TRAM2: variants seen among roughly 807,000 people sequenced by gnomAD.
TRAM2 encodes the protein translocating chain-associated membrane protein 2.
TRAM2 carries 12 observed loss-of-function variants against 51.0 expected under a neutral mutation model. The ratio of observed to expected loss-of-function variants is 0.24; its 90% CI spans 0.15 to 0.38. TRAM2 has a LOEUF of 0.38. TRAM2 is among the 10% of genes least tolerant of loss of function. The pLI is 1.00. For synonymous variants in TRAM2, 175 were observed against 179.4 expected, an observed-to-expected ratio of 0.98 and a Z score of 0.20; for missense variants, 361 against 462.0, an observed-to-expected ratio of 0.78 and a Z score of 2.00.
chr6:52,521,768 A>T (rs1361613195), intron 2 of TRAM2, among the ~76,000 whole-genome samples: 2 of 151,982 alleles, frequency 1.3e-5, no homozygotes, highest in Non-Finnish European at 2.9e-5. Flanking sequence ...AAAATAAATA[A>T]ATAAAAATCC....
At chr6:52,533,485 C>T (rs987101566) in intron 2 of TRAM2, among the ~76,000 whole-genome samples, 3 of 152,170 alleles carry the variant, frequency 2.0e-5, no homozygotes, top group Non-Finnish European at 2.9e-5. Context: ...CCACATGTTT[C>T]CTGGCCCACT....
chr6:52,509,620 T>C (rs1766417760), intron 4 of TRAM2, 34 bp from the exon 5 acceptor site: 1 of 1,610,808 alleles, frequency 6.2e-7, no homozygotes, highest in African/African-American at 1.3e-5. Context: ...CATTTAGAGA[T>C]GTGGACGTGA....
At chr6:52,511,092 G>A (rs1046521386) in intron 4 of TRAM2, among the ~76,000 whole-genome samples, 4 of 152,154 alleles carry the variant, frequency 2.6e-5, no homozygotes, top group Non-Finnish European at 5.9e-5. Flanking sequence ...AGGATCTCCT[G>A]AAATAAGATA....
At chr6:52,521,554 G>A (rs1404197647) in intron 2 of TRAM2, among the ~76,000 whole-genome samples, 5 of 151,634 alleles carry the variant, frequency 3.3e-5, no homozygotes, top group South Asian at 2.1e-4. Flanking sequence ...AAAATTAGCC[G>A]GGCGTGGTGG....
chr6:52,560,584 C>G (rs991226016), intron 1 of TRAM2, among the ~76,000 whole-genome samples: 2 of 152,200 alleles, frequency 1.3e-5, no homozygotes, highest in Non-Finnish European at 2.9e-5. Flanking sequence ...TTATTTCAAA[C>G]GAAGTCTGCC....
intron 2 of TRAM2, chr6:52,524,742 C>A (rs1581877174): frequency 6.6e-6 from 1 of 152,102 alleles, no homozygotes; most frequent in Admixed American, 6.6e-5. Flanking sequence ...TTCTTCTCTA[C>A]CTTGTTGCTC....
chr6:52,515,102 G>A (rs981453971), intron 4 of TRAM2, among the ~76,000 whole-genome samples: 3 of 152,278 alleles, frequency 2.0e-5, no homozygotes, highest in Non-Finnish European at 1.5e-5. Flanking sequence ...TGATGGGAGC[G>A]CCCATCACTG....
intron 1 of TRAM2, among the ~76,000 whole-genome samples, chr6:52,564,020 AAC>A (rs1471547849): frequency 6.6e-6 from 1 of 152,114 alleles, no homozygotes; most frequent in Non-Finnish European, 1.5e-5. Context: ...GTTACCCGAG[AAC>A]CCAAAAGAGA....
rs1005109696 is a variant in TRAM2 at position 52,503,083 on chromosome 6, G to A, written c.*114C>T. ...CTCCCCCCATTGCAAGACAGGTTTC[G>A]GCTGTTTGAGACGGAGCATCACAGG... On this transcript the variant is annotated 3_prime_UTR_variant, in exon 11 of 11. Transcript: ENST00000182527. 1.3e-5 allele frequency: 11 copies of A among 876,496 alleles called. No homozygotes were observed. The highest frequency in any genetic ancestry group is 1.0e-4 in the African/African-American group (6 of 59,448). 54.3% of individuals were successfully genotyped at this position (876,496 alleles called of 1,614,324 possible).
In TRAM2 at chr6:52,561,481, CTTTTTCT is replaced by C. The variant is rs1381748439; in HGVS notation, c.120+15308_120+15314del. 5.0e-5 allele frequency among the ~76,000 whole-genome samples: 6 copies of C among 118,874 alleles called. No homozygotes were observed. The South Asian group carries it at 1.5e-3, about 29-fold the overall frequency. 78.0% of individuals were successfully genotyped at this position (118,874 alleles called of 152,430 possible). Reference sequence around the variant, plus strand: ...TTATACTTTAGTAGAGATGGAGTTTCTTTTTCTTTTTTTTTTTTTTTTGAGACGGAGT... The same window carrying C: ...TTATACTTTAGTAGAGATGGAGTTTCTTTTTTTTTTTTTTTGAGACGGAGT... On this transcript the variant is annotated intron_variant, in intron 1 of 10. Transcript: ENST00000182527.
intron 1 of TRAM2, among the ~76,000 whole-genome samples, chr6:52,570,555 C>T (rs1004428635): frequency 3.3e-5 from 5 of 152,178 alleles, no homozygotes; most frequent in Non-Finnish European, 7.3e-5. Flanking sequence ...CAAGTCTGTG[C>T]TCTAGAAGCC....
intron 1 of TRAM2, among the ~76,000 whole-genome samples, chr6:52,555,950 T>C (rs965786322): frequency 2.0e-5 from 3 of 152,188 alleles, no homozygotes; most frequent in Non-Finnish European, 4.4e-5. Flanking sequence ...AAAAACAACA[T>C]GTAAAACGCA....
At chr6:52,511,739 C>T (rs1254296200) in intron 4 of TRAM2, among the ~76,000 whole-genome samples, 2 of 152,184 alleles carry the variant, frequency 1.3e-5, no homozygotes, top group African/African-American at 4.8e-5. Context: ...CCTAATCCCA[C>T]AAACTTGGGC....
At position 52,512,430 on chromosome 6, in the gene TRAM2, C is replaced by A. The variant is rs569829252; in HGVS notation, c.412-2844G>T. Among the ~76,000 whole-genome samples, 4 of 152,294 alleles carry A rather than the reference C, an allele frequency of 2.6e-5. No individual in the cohort carries two copies. In the East Asian group the frequency reaches 7.7e-4, roughly 29 times the overall value. On this transcript the variant is annotated intron_variant, in intron 4 of 10. Coordinates refer to ENST00000182527, the MANE Select transcript of TRAM2 (RefSeq NM_012288.4). Reference sequence around the variant, plus strand: ...AGGGGGAGCCAGAGGAAAAATGACTCACTGCTCTGAGAACAGCCTTTTCCA... The same window carrying A: ...AGGGGGAGCCAGAGGAAAAATGACTAACTGCTCTGAGAACAGCCTTTTCCA...
At chr6:52,524,082 T>C (rs546470695) in intron 2 of TRAM2, 1 of 152,314 alleles carries the variant, frequency 6.6e-6, no homozygotes, top group Non-Finnish European at 1.5e-5. Flanking sequence ...CAAGAGCAGG[T>C]AAAACTGTAA....
intron 1 of TRAM2, among the ~76,000 whole-genome samples, chr6:52,542,707 T>A (rs1032059735): frequency 3.9e-5 from 6 of 152,328 alleles, no homozygotes; most frequent in Middle Eastern, 6.8e-3. Context: ...AGTTTTAGAT[T>A]AAAAGTGACA....
chr6:52,576,728 A>G, intron 1 of TRAM2, 68 bp downstream of exon 1: 2 of 1,572,370 alleles, frequency 1.3e-6, no homozygotes, highest in East Asian at 2.3e-5. Context: ...GCTGACCTGC[A>G]GGGGTGTGCC....
At position 52,502,808 on chromosome 6, in the gene TRAM2, T is replaced by C; in HGVS notation, c.*389A>G. 1 of 193,884 alleles carries C rather than the reference T, an allele frequency of 5.2e-6. No homozygotes were observed. The highest frequency in any genetic ancestry group is 1.4e-4 in the East Asian group (1 of 6,998). The allele number at this position is 193,884 out of a possible 1,614,324, so 12.0% of individuals were successfully genotyped here. ...CTTAGCTCCCCTCCCATTGTAAAAA[T>C]CAGACAGAAAAATTGCAAGATAAGG... On this transcript the variant is annotated 3_prime_UTR_variant, in exon 11 of 11. Coordinates refer to ENST00000182527, the MANE Select transcript of TRAM2 (RefSeq NM_012288.4).
intron 1 of TRAM2, among the ~76,000 whole-genome samples, chr6:52,551,533 C>T (rs552152508): frequency 1.3e-5 from 2 of 152,288 alleles, no homozygotes; most frequent in Admixed American, 6.5e-5. Flanking sequence ...TGCAAACAAA[C>T]GGGCCACTTA....
Sources: allele counts gnomAD v4.1 joint callset (sites outside exome capture counted in the v4.1 genomes callset), GRCh38; gene constraint gnomAD v4.1.1; transcripts MANE v1.5; gene names NCBI Gene and HGNC (gene_info 2026-07-23, HGNC 2026-07-21).